The following FBXW8 variants were observed in gnomAD, a reference collection of about 807,000 sequenced individuals.
The protein encoded by FBXW8 is F-box/WD repeat-containing protein 8.
A neutral mutation model predicts 65.3 loss-of-function variants in FBXW8; 57 were observed. The observed-to-expected ratio is 0.87, with a 90% CI of 0.71 to 1.09. The LOEUF (loss-of-function observed/expected upper bound fraction) is 1.09, where lower values mean the gene tolerates loss of function less well. Ranked by LOEUF, FBXW8 falls within the 50% of genes least tolerant of loss-of-function variation. FBXW8 has a pLI of 0.00. For missense variants in FBXW8, 777 were observed against 814.8 expected, an observed-to-expected ratio of 0.95 and a Z score of 0.57; for synonymous variants, 308 against 330.2, an observed-to-expected ratio of 0.93 and a Z score of 0.73.
intron 5 of FBXW8, among the ~76,000 whole-genome samples, chr12:116,975,779 A>C (rs993027848): frequency 6.6e-6 from 1 of 152,222 alleles, no homozygotes; most frequent in Admixed American, 6.5e-5. Flanking sequence ...CTACACAATA[A>C]ATGAGCAGTA....
chr12:116,956,089 G>A (rs1451571800), intron 4 of FBXW8, among the ~76,000 whole-genome samples: 1 of 152,134 alleles, frequency 6.6e-6, no homozygotes, highest in East Asian at 1.9e-4. Flanking sequence ...CTATTCATAT[G>A]AGAGGACATT....
chr12:116,989,569 A>G (rs182225054), intron 7 of FBXW8, among the ~76,000 whole-genome samples: 5 of 152,324 alleles, frequency 3.3e-5, no homozygotes, highest in Admixed American at 3.3e-4. Flanking sequence ...TTTAATGGAA[A>G]TTCTTTGAGT....
intron 10 of FBXW8, 152 bp from the exon 11 acceptor site, chr12:117,027,876 G>C: frequency 2.9e-6 from 3 of 1,028,654 alleles, no homozygotes; most frequent in Non-Finnish European, 4.2e-6. Context: ...GCCGGGGACT[G>C]TGAGTATCTG....
intron 5 of FBXW8, chr12:116,980,138 T>A (rs1200778963): frequency 1.3e-5 from 2 of 152,190 alleles, no homozygotes; most frequent in African/African-American, 4.8e-5. Context: ...CAGCCACCTT[T>A]CTCCATGTAC....
chr12:117,011,862 T>C (rs185844614), intron 8 of FBXW8, among the ~76,000 whole-genome samples: 194 of 152,272 alleles, frequency 1.3e-3, no homozygotes, highest in Middle Eastern at 6.8e-3. Flanking sequence ...ATTTCAAAAA[T>C]ATTAAGAAAA....
At chr12:117,026,449 T>C (rs1159401614) in intron 9 of FBXW8, among the ~76,000 whole-genome samples, 1 of 152,178 alleles carries the variant, frequency 6.6e-6, no homozygotes, top group Admixed American at 6.5e-5. Flanking sequence ...CCAGGTCCCA[T>C]GCCAGGTCCA....
intron 6 of FBXW8, among the ~76,000 whole-genome samples, chr12:116,987,722 A>T (rs2135674210): frequency 6.6e-6 from 1 of 152,320 alleles, no homozygotes; most frequent in South Asian, 2.1e-4. Flanking sequence ...AAACACAACA[A>T]AACCAAAAAA....
chr12:116,997,765 G>A (rs980741677), intron 7 of FBXW8, among the ~76,000 whole-genome samples: 2 of 152,154 alleles, frequency 1.3e-5, no homozygotes, highest in African/African-American at 2.4e-5. Context: ...TAGGTATAGC[G>A]GCCCATGCTG....
chr12:116,922,089 CAA>C (rs1459956409), intron 1 of FBXW8, among the ~76,000 whole-genome samples: 1 of 152,110 alleles, frequency 6.6e-6, no homozygotes, highest in Non-Finnish European at 1.5e-5. Flanking sequence ...CTCAATCACC[CAA>C]AGTGTTGGGA....
chr12:117,024,265 C>T lies in FBXW8; in HGVS notation c.1486C>T (p.Leu496=), dbSNP rs749665364. The T allele has an allele frequency of 2.5e-6, 4 of 1,614,048 alleles. No individual in the cohort carries two copies. Among genetic ancestry groups the T allele is most frequent in the Non-Finnish European group, 3.4e-6 (4 of 1,180,046 alleles). Reference sequence around the variant, plus strand: ...GATCGTCAGTGGAGGCGAGGAAGGCCTGGTGTCCGTGTGGGATTATCGGAT... The same window carrying T: ...GATCGTCAGTGGAGGCGAGGAAGGCTTGGTGTCCGTGTGGGATTATCGGAT... ...WKIVSGGEEG[L]VSVWDYRMNQ... Residue 496 remains leucine, a synonymous_variant, in exon 9 of 11, where the codon CTG becomes TTG. Transcript: ENST00000652555.
At chr12:117,008,208 G>C (rs2135706493) in intron 7 of FBXW8, among the ~76,000 whole-genome samples, 1 of 152,256 alleles carries the variant, frequency 6.6e-6, no homozygotes, top group Non-Finnish European at 1.5e-5. Context: ...CGACTTAAAG[G>C]CCTTACCTTC....
At chr12:116,972,352 G>A (rs1300226298) in intron 5 of FBXW8, among the ~76,000 whole-genome samples, 1 of 152,184 alleles carries the variant, frequency 6.6e-6, no homozygotes, top group Non-Finnish European at 1.5e-5. Context: ...TTTTAAGTGA[G>A]AGAATTTAAT....
At chr12:117,013,551 A>T (rs756350014) in intron 8 of FBXW8, among the ~76,000 whole-genome samples, 19 of 151,626 alleles carry the variant, frequency 1.3e-4, no homozygotes, top group Admixed American at 2.6e-4. Context: ...CACTCACCAC[A>T]CTCTCTCTGG....
chr12:117,027,685 G>A (rs1954266981), intron 10 of FBXW8, among the ~76,000 whole-genome samples, 181 bp downstream of exon 10: 1 of 152,146 alleles, frequency 6.6e-6, no homozygotes, highest in African/African-American at 2.4e-5. Context: ...AGCATCTGAT[G>A]CAGGACAGCC....
chr12:116,999,119 G>A (rs1953448148), intron 7 of FBXW8, among the ~76,000 whole-genome samples: 1 of 152,206 alleles, frequency 6.6e-6, no homozygotes. Context: ...CCCTCGATGT[G>A]TTATTAATTT....
intron 4 of FBXW8, among the ~76,000 whole-genome samples, chr12:116,954,111 C>CAAA (rs59747365): frequency 9.9e-6 from 1 of 100,642 alleles, no homozygotes; most frequent in Non-Finnish European, 2.1e-5. Context: ...GACTCTGTCT[C>CAAA]AAAAAAAAAA....
intron 8 of FBXW8, among the ~76,000 whole-genome samples, chr12:117,021,595 C>T (rs1954099859): frequency 6.6e-6 from 1 of 152,110 alleles, no homozygotes; most frequent in Admixed American, 6.5e-5. Flanking sequence ...AGTATTTTGC[C>T]TCTAACTGCT....
intron 7 of FBXW8, among the ~76,000 whole-genome samples, chr12:117,009,866 T>C (rs1337747228): frequency 6.6e-6 from 1 of 152,188 alleles, no homozygotes; most frequent in Non-Finnish European, 1.5e-5. Context: ...TTCATCTTCC[T>C]GGTCCTTGTA....
chr12:117,005,926 T>C (rs148518305), intron 7 of FBXW8, among the ~76,000 whole-genome samples: 145 of 152,384 alleles, frequency 9.5e-4, no homozygotes, highest in African/African-American at 3.4e-3. Flanking sequence ...TCTTCTCTTA[T>C]ACTCCACTCA....
Sources: gnomAD v4.1 joint callset for allele counts (sites outside exome capture counted in the v4.1 genomes callset) on GRCh38, gnomAD v4.1.1 for gene constraint, MANE v1.5 for transcripts, NCBI Gene and HGNC (gene_info 2026-07-23, HGNC 2026-07-21) for gene names.